Variants in UBE2E3 observed in about 807,000 individuals in gnomAD.
UBE2E3 encodes the protein ubiquitin-conjugating enzyme E2 E3.
In UBE2E3, 5 loss-of-function variants were observed where a neutral mutation model predicts 23.6. The ratio of observed to expected loss-of-function variants is 0.21; its 90% CI spans 0.11 to 0.44. UBE2E3 has a LOEUF of 0.44. Ranked by LOEUF, UBE2E3 falls within the 20% of genes least tolerant of loss-of-function variation. UBE2E3 has a pLI of 0.99. For synonymous variants in UBE2E3, 78 were observed against 87.5 expected (o/e 0.89, Z 0.60); for missense variants, 81 against 249.8 (o/e 0.32, Z 4.55).
In UBE2E3 at chr2:181,063,040, A is replaced by G. The variant is rs1486452901; in HGVS notation, c.*152A>G. On this transcript the variant is annotated 3_prime_UTR_variant, in exon 6 of 6. Transcript: ENST00000410062. This position sits in a 1 kb window ranked among gnomAD's most constrained non-coding sequence, Gnocchi z 4.1. ...TTGGAGCCTGGGAGACTCCCCAAAA[A>G]GGTAAATGCTATCAAGAGTAGAACT... The G allele has an allele frequency of 2.4e-6, 1 of 418,314 alleles. No homozygotes were observed. Among genetic ancestry groups the G allele is most frequent in the Admixed American group, 4.2e-5 (1 of 23,778 alleles). The allele number at this position is 418,314 out of a possible 1,614,324, so 25.9% of individuals were successfully genotyped here.
intron 3 of UBE2E3, among the ~76,000 whole-genome samples, chr2:181,052,748 CTT>C (rs1264915995): frequency 6.6e-6 from 1 of 151,768 alleles, no homozygotes; most frequent in Non-Finnish European, 1.5e-5. Context: ...TTTTTAATCA[CTT>C]TTGCTGAAAG....
chr2:181,026,511 A>G (rs1292761605), intron 3 of UBE2E3, among the ~76,000 whole-genome samples: 31 of 147,874 alleles, frequency 2.1e-4, no homozygotes, highest in Admixed American at 2.1e-3. Context: ...AGATCTTTCA[A>G]CTATTTTTTT....
At chr2:180,985,924 A>G (rs976070497) in intron 3 of UBE2E3, among the ~76,000 whole-genome samples, 3 of 150,886 alleles carry the variant, frequency 2.0e-5, no homozygotes, top group Admixed American at 6.6e-5. Context: ...AAAGAAATCT[A>G]CTTTACATGT....
chr2:181,007,055 G>C (rs909770245), intron 3 of UBE2E3, among the ~76,000 whole-genome samples: 1 of 152,110 alleles, frequency 6.6e-6, no homozygotes, highest in South Asian at 2.1e-4. Flanking sequence ...TCAGTCTCAG[G>C]TCTCTTTCAT....
intron 3 of UBE2E3, among the ~76,000 whole-genome samples, chr2:181,021,570 TCCTCCCTCCCTCCCTTCCTTCCTCCCTC>T (rs1574190770): frequency 4.9e-4 from 37 of 76,226 alleles, no homozygotes; most frequent in East Asian, 3.3e-3. Flanking sequence ...CTTCCTTCCT[TCCTCCCTCCCTCCCTTCCTTCCTCCCTC>T]CCTTCCTTCC....
At chr2:181,044,217 TTGA>T (rs1489365148) in intron 3 of UBE2E3, among the ~76,000 whole-genome samples, 1 of 152,140 alleles carries the variant, frequency 6.6e-6, no homozygotes. Flanking sequence ...TTTGTTGAGT[TTGA>T]GATGACGGTT....
chr2:181,053,080 C>G (rs573423554), intron 3 of UBE2E3, among the ~76,000 whole-genome samples: 69 of 151,738 alleles, frequency 4.5e-4, no homozygotes, highest in African/African-American at 1.6e-3. Context: ...TCTTTGTGAC[C>G]AGAATTTCCT....
intron 3 of UBE2E3, among the ~76,000 whole-genome samples, chr2:181,019,560 A>C (rs1315234713): frequency 2.0e-5 from 3 of 152,142 alleles, no homozygotes; most frequent in Admixed American, 1.3e-4. Flanking sequence ...AACTCAGGAG[A>C]TGGGAGCTTC....
chr2:180,985,424 C>T (rs866450370), intron 3 of UBE2E3, among the ~76,000 whole-genome samples: 1 of 151,830 alleles, frequency 6.6e-6, no homozygotes, highest in African/African-American at 2.4e-5. Context: ...ACTGCATTGA[C>T]TTAAAAAAAG....
At chr2:181,006,468 G>C (rs1370172147) in intron 3 of UBE2E3, among the ~76,000 whole-genome samples, 1 of 151,010 alleles carries the variant, frequency 6.6e-6, no homozygotes, top group African/African-American at 2.4e-5. Flanking sequence ...TAAAATACAA[G>C]ATACCTAATT....
In UBE2E3 at chr2:181,062,833, A is replaced by G; in HGVS notation, c.569A>G (p.Asn190Ser). Residue 190 changes from asparagine to serine, a missense_variant, in exon 6 of 6, where the codon AAC (asparagine) becomes AGC (serine). Coordinates refer to ENST00000410062, the MANE Select transcript of UBE2E3 (RefSeq NM_006357.4). ...VGSIATQYLT[N>S]RAEHDRIARQ... ...AGCATAGCCACTCAGTATTTGACCA[A>G]CAGAGCAGAACACGACAGGATAGCC... 1 of 1,607,676 alleles carries G rather than the reference A, an allele frequency of 6.2e-7. No individual in the cohort carries two copies. The highest frequency in any genetic ancestry group is 8.5e-7 in the Non-Finnish European group (1 of 1,176,156).
chr2:181,009,806 G>A (rs1034973502), intron 3 of UBE2E3, among the ~76,000 whole-genome samples: 1 of 151,984 alleles, frequency 6.6e-6, no homozygotes, highest in African/African-American at 2.4e-5. Flanking sequence ...TGGATTTGTT[G>A]ATAACTAGAA....
At position 180,988,095 on chromosome 2, in the gene UBE2E3, C is replaced by T. The variant is rs1275300788; in HGVS notation, c.245+4002C>T. Reference sequence around the variant, plus strand: ...GTAAAGTGGGGATTAAAATGATACCCCCCTTTATAATAGGGTTATTGTGAG... The same window carrying T: ...GTAAAGTGGGGATTAAAATGATACCTCCCTTTATAATAGGGTTATTGTGAG... On this transcript the variant is annotated intron_variant, in intron 3 of 5. Coordinates refer to ENST00000410062, the MANE Select transcript of UBE2E3 (RefSeq NM_006357.4). Among the ~76,000 whole-genome samples the T allele has an allele frequency of 4.6e-5, 7 of 152,028 alleles. No individual in the cohort carries two copies. In the East Asian group the frequency reaches 1.2e-3, roughly 25 times the overall value.
intron 4 of UBE2E3, among the ~76,000 whole-genome samples, chr2:181,059,867 G>T (rs917796100): frequency 6.6e-6 from 1 of 151,182 alleles, no homozygotes; most frequent in Non-Finnish European, 1.5e-5. Flanking sequence ...CAACTTTTGC[G>T]CTCACAGTAC....
At chr2:180,983,855 A>T (rs1574151793) in intron 2 of UBE2E3, among the ~76,000 whole-genome samples, 188 bp from the exon 3 acceptor site, 1 of 152,204 alleles carries the variant, frequency 6.6e-6, no homozygotes, top group African/African-American at 2.4e-5. Context: ...TGAGAAAAAA[A>T]GCTGCAAAGT....
chr2:181,048,477 C>G (rs1450371350), intron 3 of UBE2E3, among the ~76,000 whole-genome samples: 2 of 152,032 alleles, frequency 1.3e-5, no homozygotes, highest in Admixed American at 1.3e-4. Flanking sequence ...ATAAGCAATA[C>G]CATTTCCTGG....
chr2:180,989,004 AT>A (rs1312102904), intron 3 of UBE2E3, among the ~76,000 whole-genome samples: 1 of 152,088 alleles, frequency 6.6e-6, no homozygotes, highest in African/African-American at 2.4e-5. Flanking sequence ...CTGACAAAGT[AT>A]TTTTCATCCC....
At chr2:181,023,417 C>T (rs1248804813) in intron 3 of UBE2E3, among the ~76,000 whole-genome samples, 1 of 152,192 alleles carries the variant, frequency 6.6e-6, no homozygotes, top group African/African-American at 2.4e-5. Context: ...GCCACAAAAA[C>T]TCCATTATCA....
Position 180,982,494 on chromosome 2 carries a change from T to C in UBE2E3, c.194+258T>C, listed in dbSNP as rs540952219. Among the ~76,000 whole-genome samples, 7 of 152,344 alleles carry C rather than the reference T, an allele frequency of 4.6e-5. No homozygotes were observed. The East Asian group carries it at 1.4e-3, about 29-fold the overall frequency. ...TTGAGTAGAGATTAGACTAACATTCTGACAGATTGTTTAAGGAGTTGGCAA... is the reference window on the plus strand; with the variant it reads ...TTGAGTAGAGATTAGACTAACATTCCGACAGATTGTTTAAGGAGTTGGCAA... On this transcript the variant is annotated intron_variant, in intron 2 of 5. Coordinates refer to ENST00000410062, the MANE Select transcript of UBE2E3 (RefSeq NM_006357.4).
Sources: allele counts gnomAD v4.1 joint callset (sites outside exome capture counted in the v4.1 genomes callset), GRCh38; gene constraint gnomAD v4.1.1; non-coding constraint Gnocchi (gnomAD v3.1); transcripts MANE v1.5; gene names NCBI Gene and HGNC (gene_info 2026-07-23, HGNC 2026-07-21).